SGCZ: variants seen among roughly 807,000 people sequenced by gnomAD.
The protein encoded by SGCZ is sarcoglycan zeta.
A neutral mutation model predicts 41.3 loss-of-function variants in SGCZ; 40 were observed. That is an observed-to-expected ratio of 0.97 (90% CI 0.75 to 1.26). SGCZ has a LOEUF of 1.26. Ranked by LOEUF, SGCZ falls within the 50% of genes most tolerant of loss-of-function variation. The pLI is 0.00. For synonymous variants in SGCZ, 206 were observed against 137.5 expected (o/e 1.50, Z -3.49); for missense variants, 552 against 369.8 (o/e 1.49, Z -4.04).
chr8:14,329,829 T>G (rs1802250120), intron 2 of SGCZ, among the ~76,000 whole-genome samples: 1 of 151,410 alleles, frequency 6.6e-6, no homozygotes, highest in South Asian at 2.1e-4. Flanking sequence ...GTGTTGGTAT[T>G]TGTTTTTTGT....
At chr8:14,616,472 A>G (rs2117355859) in intron 1 of SGCZ, among the ~76,000 whole-genome samples, 1 of 152,234 alleles carries the variant, frequency 6.6e-6, no homozygotes, top group African/African-American at 2.4e-5. Flanking sequence ...ACAGTAAAAA[A>G]ATGTTATTTT....
At chr8:14,474,891 T>C (rs1253905841) in intron 2 of SGCZ, among the ~76,000 whole-genome samples, 2 of 152,196 alleles carry the variant, frequency 1.3e-5, no homozygotes, top group African/African-American at 4.8e-5. Flanking sequence ...TGAGATAAAT[T>C]TGAAAAGGTC....
intron 1 of SGCZ, among the ~76,000 whole-genome samples, chr8:15,118,559 C>T (rs1360530698): frequency 2.0e-5 from 3 of 151,964 alleles, no homozygotes; most frequent in African/African-American, 7.3e-5. Flanking sequence ...TGGATGTGTG[C>T]GTGGAAGAAA....
rs775690400 is a variant in SGCZ at position 14,085,583 on chromosome 8, AC to A, written c.*4859del. On this transcript the variant is annotated 3_prime_UTR_variant, in exon 8 of 8. Transcript: ENST00000382080. The stretch of plus-strand genomic sequence containing the variant: ...AATTAAAAAATAGCCCTCTGGTTCT[AC>A]AAGTATTTCAAATTTTATTCTCCAA... 6.6e-6 allele frequency among the ~76,000 whole-genome samples: 1 copy of A among 151,822 alleles called. No homozygotes were observed. The highest frequency in any genetic ancestry group is 1.5e-5 in the Non-Finnish European group (1 of 67,824).
At chr8:15,093,093 C>A (rs1806210461) in intron 1 of SGCZ, among the ~76,000 whole-genome samples, 1 of 152,154 alleles carries the variant, frequency 6.6e-6, no homozygotes, top group Non-Finnish European at 1.5e-5. Context: ...TGGCCCTCCT[C>A]CTTAGTAGTC....
intron 1 of SGCZ, among the ~76,000 whole-genome samples, chr8:14,940,999 C>T (rs1330459129): frequency 6.6e-6 from 1 of 151,838 alleles, no homozygotes; most frequent in Non-Finnish European, 1.5e-5. Context: ...CTCTAATAAA[C>T]ATGAATAGAT....
chr8:15,029,821 T>C (rs921725130), intron 1 of SGCZ, among the ~76,000 whole-genome samples: 4 of 152,182 alleles, frequency 2.6e-5, no homozygotes, highest in African/African-American at 9.6e-5. Context: ...GCTATTATCA[T>C]GCCTTCTGAA....
intron 1 of SGCZ, among the ~76,000 whole-genome samples, chr8:15,229,052 C>G (rs1366377446): frequency 6.6e-6 from 1 of 151,982 alleles, no homozygotes; most frequent in Non-Finnish European, 1.5e-5. Context: ...ATCAGCCAGG[C>G]GTGATGGCGG....
chr8:14,179,362 T>TTTTTGTG (rs1804648601), intron 4 of SGCZ, among the ~76,000 whole-genome samples: 1 of 152,212 alleles, frequency 6.6e-6, no homozygotes, highest in Non-Finnish European at 1.5e-5. Flanking sequence ...TGACTTGGGC[T>TTTTTGTG]AATACCTTTT....
chr8:14,996,986 G>C (rs2130904544), intron 1 of SGCZ, among the ~76,000 whole-genome samples: 1 of 152,266 alleles, frequency 6.6e-6, no homozygotes, highest in South Asian at 2.1e-4. Flanking sequence ...ACGCTCTTTT[G>C]TGTTCATTTG....
At chr8:14,954,122 A>T (rs1800725389) in intron 1 of SGCZ, among the ~76,000 whole-genome samples, 1 of 152,216 alleles carries the variant, frequency 6.6e-6, no homozygotes, top group Non-Finnish European at 1.5e-5. Flanking sequence ...ATTCTATCAG[A>T]TAGATGCATA....
At chr8:14,606,049 C>A (rs907293352) in intron 1 of SGCZ, among the ~76,000 whole-genome samples, 1 of 152,006 alleles carries the variant, frequency 6.6e-6, no homozygotes, top group African/African-American at 2.4e-5. Context: ...ATCTATAAGT[C>A]TTGCCGATTA....
chr8:14,524,462 T>A (rs1245207766), intron 2 of SGCZ, among the ~76,000 whole-genome samples: 1 of 152,026 alleles, frequency 6.6e-6, no homozygotes, highest in Non-Finnish European at 1.5e-5. Context: ...AGTGATACTG[T>A]AGTAGGGGTC....
intron 1 of SGCZ, among the ~76,000 whole-genome samples, chr8:14,952,185 T>C (rs1002344340): frequency 6.6e-6 from 1 of 152,164 alleles, no homozygotes; most frequent in Non-Finnish European, 1.5e-5. Context: ...TTACTCCTAA[T>C]CATAATCTGA....
chr8:14,431,825 C>T (rs911516624), intron 2 of SGCZ, among the ~76,000 whole-genome samples: 1 of 152,012 alleles, frequency 6.6e-6, no homozygotes, highest in Non-Finnish European at 1.5e-5. Context: ...CCAACTCAAC[C>T]AAATTAGCAA....
chr8:14,162,790 A>T (rs1804086846), intron 5 of SGCZ: 1 of 152,234 alleles, frequency 6.6e-6, no homozygotes, highest in Admixed American at 6.5e-5. Context: ...GTAGGATTTG[A>T]TTCAGGCCAG....
chr8:14,344,729 T>G (rs1280646680), intron 2 of SGCZ, among the ~76,000 whole-genome samples: 1 of 152,132 alleles, frequency 6.6e-6, no homozygotes, highest in Non-Finnish European at 1.5e-5. Context: ...TGAGTTAAAT[T>G]ACTGAATGAA....
At chr8:14,907,292 T>G (rs1264227232) in intron 1 of SGCZ, among the ~76,000 whole-genome samples, 1 of 152,080 alleles carries the variant, frequency 6.6e-6, no homozygotes, top group Non-Finnish European at 1.5e-5. Flanking sequence ...ACTTATGGCC[T>G]CAAGGGATCC....
chr8:15,105,087 TA>T, intron 1 of SGCZ, among the ~76,000 whole-genome samples: 1 of 152,346 alleles, frequency 6.6e-6, no homozygotes, highest in African/African-American at 2.4e-5. Context: ...ATAAATTGGT[TA>T]ATTACTACCT....
Sources: allele counts gnomAD v4.1 joint callset (sites outside exome capture counted in the v4.1 genomes callset), GRCh38; gene constraint gnomAD v4.1.1; transcripts MANE v1.5; gene names NCBI Gene and HGNC (gene_info 2026-07-23, HGNC 2026-07-21).